DORIP1: variants seen among roughly 807,000 people sequenced by gnomAD.
DORIP1 encodes dopamine receptor-interacting protein 1.
At chr14:44,905,333 AAT>A in the DORIP1 span, 27 of 1,339,090 alleles carry the variant, frequency 2.0e-5, no homozygotes, top group Non-Finnish European at 2.5e-5. Flanking sequence ...CAAAGTATTA[AAT>A]TTTCTCTCAT....
At chr14:44,902,685 T>C in the DORIP1 span, among the ~76,000 whole-genome samples, 7 of 152,230 alleles carry the variant, frequency 4.6e-5, no homozygotes, top group African/African-American at 1.4e-4. Flanking sequence ...GAAATATTTA[T>C]AATTCTATAT....
chr14:44,903,508 C>G, the DORIP1 span: 8 of 1,152,576 alleles, frequency 6.9e-6, no homozygotes, highest in Admixed American at 4.4e-5. Flanking sequence ...TTTTTCCCCC[C>G]CCACTGCTGA....
At chr14:44,903,413 T>G in the DORIP1 span, 1 of 1,465,940 alleles carries the variant, frequency 6.8e-7, no homozygotes, top group Non-Finnish European at 9.1e-7. Flanking sequence ...CTATGACATT[T>G]TACAGTGTTT....
chr14:44,906,807 T>C, the DORIP1 span: 1 of 152,544 alleles, frequency 6.6e-6, no homozygotes, highest in Admixed American at 6.5e-5. Context: ...CTTGGTGCCA[T>C]GTTGAGAAAA....
the DORIP1 span, chr14:44,904,111 G>A: frequency 1.8e-5 from 18 of 985,190 alleles, no homozygotes; most frequent in Non-Finnish European, 1.3e-5. Flanking sequence ...AAAAGCGTTT[G>A]TATCAGTTCT....
At chr14:44,900,038 T>A in the DORIP1 span, among the ~76,000 whole-genome samples, 1 of 152,026 alleles carries the variant, frequency 6.6e-6, no homozygotes, top group South Asian at 2.1e-4. Context: ...TCCATGTTGG[T>A]CAGGCTGGTC....
At chr14:44,906,908 C>G in the DORIP1 span, 1 of 151,376 alleles carries the variant, frequency 6.6e-6, no homozygotes, top group Non-Finnish European at 1.5e-5. Flanking sequence ...ATATATCAAA[C>G]TGATTTATTT....
the DORIP1 span, among the ~76,000 whole-genome samples, chr14:44,897,731 G>A: frequency 6.6e-6 from 1 of 152,106 alleles, no homozygotes; most frequent in African/African-American, 2.4e-5. Flanking sequence ...CTAACTCGGG[G>A]ACCCGCCCGC....
chr14:44,906,374 A>C, the DORIP1 span: 1 of 152,146 alleles, frequency 6.6e-6, no homozygotes, highest in Non-Finnish European at 1.5e-5. Context: ...TCGGACTAGC[A>C]ATAGAAATGC....
At chr14:44,905,990 C>T in the DORIP1 span, 1 of 148,804 alleles carries the variant, frequency 6.7e-6, no homozygotes. Flanking sequence ...CTTTGCCCTA[C>T]CTCACTATAA....
At chr14:44,905,278 A>G in the DORIP1 span, 2 of 845,622 alleles carry the variant, frequency 2.4e-6, no homozygotes, top group Admixed American at 2.7e-5. Context: ...AACAATGTCA[A>G]TGTTTTTATT....
At chr14:44,906,240 A>G in the DORIP1 span, 1 of 151,944 alleles carries the variant, frequency 6.6e-6, no homozygotes, top group South Asian at 2.1e-4. Flanking sequence ...TCACGTTATT[A>G]CAAATAAATT....
chr14:44,905,242 A>G, the DORIP1 span: 21 of 575,704 alleles, frequency 3.6e-5, no homozygotes, highest in Admixed American at 1.0e-4. Flanking sequence ...ATAGAGATGG[A>G]TATCTTTTTC....
the DORIP1 span, among the ~76,000 whole-genome samples, chr14:44,898,682 T>TA: frequency 5.9e-5 from 9 of 152,348 alleles, no homozygotes; most frequent in East Asian, 1.7e-3. Context: ...GGCTGCAGAT[T>TA]TGCCACACCC....
At chr14:44,903,829 G>A in the DORIP1 span, 1 of 984,796 alleles carries the variant, frequency 1.0e-6, no homozygotes. Context: ...ATATATTGTA[G>A]CAACAAATAC....
the DORIP1 span, among the ~76,000 whole-genome samples, chr14:44,901,237 A>G: frequency 6.6e-6 from 1 of 152,214 alleles, no homozygotes; most frequent in Non-Finnish European, 1.5e-5. Flanking sequence ...CTCGGTGTGT[A>G]AAAGGTTATA....
the DORIP1 span, chr14:44,905,351 ATTATT>A: frequency 6.9e-7 from 1 of 1,454,782 alleles, no homozygotes; most frequent in Non-Finnish European, 9.4e-7. Context: ...CTCATACTAT[ATTATT>A]TAATTTGCAG....
At chr14:44,899,686 A>G in the DORIP1 span, among the ~76,000 whole-genome samples, 1 of 152,128 alleles carries the variant, frequency 6.6e-6, no homozygotes, top group South Asian at 2.1e-4. Context: ...CCATTATATT[A>G]GTTTCTTAAG....
the DORIP1 span, among the ~76,000 whole-genome samples, chr14:44,901,701 T>C: frequency 6.6e-6 from 1 of 152,264 alleles, no homozygotes; most frequent in East Asian, 1.9e-4. Context: ...AACAAGAAAA[T>C]TAAAAGCATC....
Sources: allele counts gnomAD v4.1 joint callset (sites outside exome capture counted in the v4.1 genomes callset), GRCh38; gene constraint gnomAD v4.1.1; transcripts MANE v1.5; gene names NCBI Gene and HGNC (gene_info 2026-07-23, HGNC 2026-07-21).